Variants in FBN1 observed in about 807,000 individuals in gnomAD.
FBN1 encodes the protein fibrillin 1.
A neutral mutation model predicts 365.1 loss-of-function variants in FBN1; 29 were observed. The ratio of observed to expected loss-of-function variants is 0.08; its 90% CI spans 0.06 to 0.11. The LOEUF is 0.11. Ranked by LOEUF, FBN1 falls within the 10% of genes least tolerant of loss-of-function variation. The probability of loss-of-function intolerance (pLI) is 1.00; values close to 1 mark genes in which losing one functional copy is unlikely to be tolerated. For synonymous variants in FBN1, 1,210 were observed against 1,270.5 expected, an observed-to-expected ratio of 0.95 and a Z score of 1.01; for missense variants, 2,476 against 3,703.2, an observed-to-expected ratio of 0.67 and a Z score of 8.60.
chr15:48,451,449 A>C (rs2043200556), intron 45 of FBN1, among the ~76,000 whole-genome samples: 1 of 152,214 alleles, frequency 6.6e-6, no homozygotes, highest in Non-Finnish European at 1.5e-5. Flanking sequence ...TAAACTCAAC[A>C]AAACAAGTCT....
chr15:48,434,502 C>A, intron 54 of FBN1, 92 bp downstream of exon 54: 1 of 1,519,626 alleles, frequency 6.6e-7, no homozygotes, highest in Non-Finnish European at 9.1e-7. Flanking sequence ...TTATATACAC[C>A]CTGAGTTGTA....
Position 48,427,350 on chromosome 15 carries a change from A to C in FBN1, c.7204+217T>G, listed in dbSNP as rs565872851. On this transcript the variant is annotated intron_variant, in intron 58 of 65. Transcript: ENST00000316623. ...TGAAGACTCGCTGGAATGCAGAGGG[A>C]GGGTCCTAAGCACACACAGCTTAAT... Among the ~76,000 whole-genome samples, 15 of 152,316 alleles carry C rather than the reference A, an allele frequency of 9.8e-5. No individual in the cohort carries two copies. In the South Asian group the frequency reaches 2.9e-3, roughly 29 times the overall value.
intron 40 of FBN1, among the ~76,000 whole-genome samples, chr15:48,464,617 C>T (rs1339772298): frequency 6.6e-6 from 1 of 152,110 alleles, no homozygotes; most frequent in African/African-American, 2.4e-5. Flanking sequence ...ATAAATTAAC[C>T]TATAATATCC....
chr15:48,435,770 A>ATATATATG (rs1555395094), intron 53 of FBN1, among the ~76,000 whole-genome samples: 1 of 21,892 alleles, frequency 4.6e-5, no homozygotes, highest in African/African-American at 8.9e-5. Flanking sequence ...ATATATGTGT[A>ATATATATG]TATGTGTGTG....
Position 48,465,827 on chromosome 15 carries a change from T to C in FBN1, c.4779A>G (p.Glu1593=), listed in dbSNP as rs2043316205. The C allele has an allele frequency of 6.2e-7, 1 of 1,613,680 alleles. No individual in the cohort carries two copies. The highest frequency in any genetic ancestry group is 8.5e-7 in the Non-Finnish European group (1 of 1,179,698). ...SEYKILCPGG[E]GFRPNPITVI... is the part of the protein sequence containing the mutation. Reference sequence around the variant, plus strand: ...CGGTGATAGGATTTGGTCGGAAACCTTCCCCTCCAGGACAAAGAATTTTGT... The same window carrying C: ...CGGTGATAGGATTTGGTCGGAAACCCTCCCCTCCAGGACAAAGAATTTTGT... Residue 1593 remains glutamate, a synonymous_variant, in exon 39 of 66, where the codon GAA becomes GAG. Transcript: ENST00000316623.
At chr15:48,506,860 A>G (rs2043712297) in intron 15 of FBN1, among the ~76,000 whole-genome samples, 1 of 152,092 alleles carries the variant, frequency 6.6e-6, no homozygotes, top group Non-Finnish European at 1.5e-5. Context: ...CAGTGTGTGT[A>G]CTCTATGCTC....
chr15:48,598,938 T>C (rs2044536818), intron 5 of FBN1, among the ~76,000 whole-genome samples: 1 of 152,214 alleles, frequency 6.6e-6, no homozygotes, highest in African/African-American at 2.4e-5. Flanking sequence ...TCACAAGATC[T>C]GATGGTTATC....
At position 48,488,456 on chromosome 15, in the gene FBN1, G is replaced by C; in HGVS notation, c.3120C>G (p.Thr1040=). 1 of 1,614,034 alleles carries C rather than the reference G, an allele frequency of 6.2e-7. No homozygotes were observed. Among genetic ancestry groups the C allele is most frequent in the East Asian group, 2.2e-5 (1 of 44,878 alleles). The part of the protein sequence containing the change: ...NECKMIPSLC[T]HGKCRNTIGS... Reference sequence around the variant, plus strand: ...CAATGGTGTTTCTGCACTTGCCGTGGGTGCAGAGGCTGGGTATCATCTTGC... The same window carrying C: ...CAATGGTGTTTCTGCACTTGCCGTGCGTGCAGAGGCTGGGTATCATCTTGC... Residue 1040 remains threonine, a synonymous_variant, in exon 26 of 66, where the codon ACC becomes ACG. Transcript: ENST00000316623.
rs117713147 is a variant in FBN1, at chr15:48,411,479, T to G, written c.8227-100A>C. The G allele has an allele frequency of 6.5e-4, 727 of 1,110,208 alleles. 14 individuals are homozygous for G. The East Asian group carries it at 0.016, about 24-fold the overall frequency. The allele number at this position is 1,110,208 out of a possible 1,614,324, so 68.8% of individuals were successfully genotyped here. ...CTCAAATTTCACACTAATACAATTT[T>G]CTGCCTTATGCTGCATACACAATAT... On this transcript the variant is annotated intron_variant, in intron 65 of 65. Transcript: ENST00000316623.
chr15:48,472,788 C>A, intron 34 of FBN1, 112 bp from the exon 35 acceptor site: 1 of 1,384,612 alleles, frequency 7.2e-7, no homozygotes, highest in Non-Finnish European at 1.0e-6. Flanking sequence ...CAATTTGACA[C>A]ATTTAAAGTC....
At chr15:48,540,850 G>A (rs773578862) in intron 6 of FBN1, among the ~76,000 whole-genome samples, 4 of 151,964 alleles carry the variant, frequency 2.6e-5, no homozygotes, top group African/African-American at 9.7e-5. Context: ...AAAGCATAAC[G>A]CAACATGAAT....
chr15:48,425,421 C>G lies in FBN1; in HGVS notation c.7401G>C (p.Gln2467His), dbSNP rs762783068. The change falls in exon 60 of 66, where the codon CAG (glutamine) becomes CAC (histidine). Residue 2467 changes from glutamine (Q) to histidine (H), a missense_variant. Physicochemically the swap from Gln to His is conservative, Grantham distance 24. Coordinates refer to ENST00000316623, the MANE Select transcript of FBN1 (RefSeq NM_000138.5). The stretch of plus-strand genomic sequence containing the variant: ...GAATGTAGCCTTTCGGGCATGAACA[C>G]TGGTAACTCCCTTCTGTGTTTTTGC... ...FICKNTEGSYQCSCPKGYILQ... is the reference protein window; with the variant it reads ...FICKNTEGSYHCSCPKGYILQ... 2 of 1,614,192 alleles carry G rather than the reference C, an allele frequency of 1.2e-6. No homozygotes were observed. Among genetic ancestry groups the G allele is most frequent in the African/African-American group, 2.7e-5 (2 of 75,050 alleles).
chr15:48,429,108 C>T (rs2043006067), intron 56 of FBN1, among the ~76,000 whole-genome samples: 1 of 152,138 alleles, frequency 6.6e-6, no homozygotes, highest in Non-Finnish European at 1.5e-5. Context: ...TGCACACTTA[C>T]ATTTTTCACT....
chr15:48,532,866 T>A lies in FBN1; in HGVS notation c.862+1214A>T, dbSNP rs10152750. ...TTTAAGAAGTCTTTAGAAAGAACTA[T>A]TTTTTCACAACTACCCCGAATAACT... On this transcript the variant is annotated intron_variant, in intron 8 of 65. Coordinates refer to ENST00000316623, the MANE Select transcript of FBN1 (RefSeq NM_000138.5). Among the ~76,000 whole-genome samples, 1,124 of 152,308 alleles carry A rather than the reference T, an allele frequency of 7.4e-3. 21 individuals are homozygous for A. The highest frequency in any genetic ancestry group is 0.026 in the African/African-American group (1,074 of 41,568).
chr15:48,530,441 C>A (rs2141349106), intron 8 of FBN1, among the ~76,000 whole-genome samples: 1 of 152,330 alleles, frequency 6.6e-6, no homozygotes, highest in African/African-American at 2.4e-5. Flanking sequence ...TGAAGTAACT[C>A]AGAGATGGTA....
chr15:48,505,762 A>C (rs2043702965), intron 15 of FBN1, among the ~76,000 whole-genome samples: 1 of 152,262 alleles, frequency 6.6e-6, no homozygotes, highest in Admixed American at 6.5e-5. Context: ...AATCTTTCTT[A>C]AACTTTACAA....
In FBN1 at chr15:48,509,138, C is replaced by T. The variant is rs562640177; in HGVS notation, c.1715-434G>A. Among the ~76,000 whole-genome samples the T allele has an allele frequency of 2.6e-5, 4 of 152,186 alleles. No homozygotes were observed. In the East Asian group the frequency reaches 5.8e-4, roughly 22 times the overall value. ...AATTTGAAATGTATTTAGGCTACAT[C>T]CTAATTCTTTTAAAGATGAAAACCA... On this transcript the variant is annotated intron_variant, in intron 14 of 65. Coordinates refer to ENST00000316623, the MANE Select transcript of FBN1 (RefSeq NM_000138.5).
intron 58 of FBN1, among the ~76,000 whole-genome samples, chr15:48,426,498 T>C (rs2042980415): frequency 6.6e-6 from 1 of 152,122 alleles, no homozygotes; most frequent in Non-Finnish European, 1.5e-5. Flanking sequence ...CCCTCACTCA[T>C]GGCTGTACCA....
intron 43 of FBN1, 77 bp from the exon 44 acceptor site, chr15:48,456,839 C>CGTGTGTGTGT: frequency 7.0e-6 from 7 of 999,578 alleles, no homozygotes; most frequent in Non-Finnish European, 9.7e-6. Context: ...ATGGAAAGTG[C>CGTGTGTGTGT]GTGCGTGTGT....
Sources: allele counts gnomAD v4.1 joint callset (sites outside exome capture counted in the v4.1 genomes callset), GRCh38; gene constraint gnomAD v4.1.1; transcripts MANE v1.5; gene names NCBI Gene and HGNC (gene_info 2026-07-23, HGNC 2026-07-21).